The following SEC14L5 variants were observed in gnomAD, a reference collection of about 807,000 sequenced individuals.
SEC14L5 encodes SEC14 like lipid binding 5, also known as SEC14-like protein 5.
A neutral mutation model predicts 84.6 loss-of-function variants in SEC14L5; 96 were observed. The observed-to-expected ratio is 1.13, with a 90% confidence interval of 0.96 to 1.34. The LOEUF (loss-of-function observed/expected upper bound fraction) is 1.34, where lower values mean the gene tolerates loss of function less well. Ranked by LOEUF, SEC14L5 falls within the 40% of genes most tolerant of loss-of-function variation. The probability of loss-of-function intolerance (pLI) is 0.00; values close to 1 mark genes in which losing one functional copy is unlikely to be tolerated. For missense variants in SEC14L5, 1,224 were observed against 942.5 expected (o/e 1.30, Z -3.91); for synonymous variants, 546 against 383.4 (o/e 1.42, Z -4.95).
At chr16:5,007,515 C>T in intron 13 of SEC14L5, 29 bp downstream of exon 13, 1 of 1,608,354 alleles carries the variant, frequency 6.2e-7, no homozygotes. Context: ...GGAGGGCCCG[C>T]TGAGCTGGAG....
chr16:4,996,764 G>C (rs910509751), intron 7 of SEC14L5, 91 bp from the exon 8 acceptor site: 13 of 957,410 alleles, frequency 1.4e-5, no homozygotes, highest in East Asian at 5.1e-5. Context: ...TAGAGATGGG[G>C]TCTCACCATG....
At chr16:4,974,101 G>A (rs1431831854) in intron 2 of SEC14L5, among the ~76,000 whole-genome samples, 1 of 152,108 alleles carries the variant, frequency 6.6e-6, no homozygotes, top group Non-Finnish European at 1.5e-5. Context: ...GCGGAGATGG[G>A]GTTGACTTCT....
intron 2 of SEC14L5, among the ~76,000 whole-genome samples, chr16:4,973,269 C>A (rs13335768): frequency 3.3e-5 from 5 of 152,194 alleles, no homozygotes; most frequent in African/African-American, 1.2e-4. Flanking sequence ...TGGCTGCAGA[C>A]GCTGTTCTGA....
At chr16:4,991,472 A>G (rs138354688) in intron 5 of SEC14L5, among the ~76,000 whole-genome samples, 3,519 of 151,864 alleles carry the variant, frequency 0.023, 59 homozygotes, top group Middle Eastern at 0.082. Flanking sequence ...AGGCTGAGGC[A>G]GGAGGATCTC....
At chr16:4,962,673 T>G (rs1596610547) in intron 2 of SEC14L5, among the ~76,000 whole-genome samples, 6 of 106,776 alleles carry the variant, frequency 5.6e-5, no homozygotes, top group Admixed American at 1.3e-4. Context: ...GGGGGAAGAG[T>G]GAAACTCTGT....
At chr16:5,014,539 G>C (rs1284190729) in intron 15 of SEC14L5, among the ~76,000 whole-genome samples, 1 of 152,248 alleles carries the variant, frequency 6.6e-6, no homozygotes, top group Non-Finnish European at 1.5e-5. Flanking sequence ...TGGAATTTGA[G>C]TGCAAAGAGT....
rs144689761 is a variant in SEC14L5 at position 4,988,035 on chromosome 16, G to C, written c.214-114G>C. On this transcript the variant is annotated intron_variant, in intron 3 of 15. Coordinates refer to ENST00000251170, the MANE Select transcript of SEC14L5 (RefSeq NM_014692.2). ...CGGGCTGGGTGGGCGGTGGCGCAAG[G>C]GACCTGGGACTCAGGGCAGGGGGTG... 4,868 of 1,159,054 alleles carry C rather than the reference G, an allele frequency of 4.2e-3. 18 individuals are homozygous for C. The highest frequency in any genetic ancestry group is 9.4e-3 in the Middle Eastern group (34 of 3,598). The allele number at this position is 1,159,054 out of a possible 1,614,324, so 71.8% of individuals were successfully genotyped here. A position where few individuals can be genotyped will look rare whatever the true frequency, so the allele number is the denominator to read the frequency against.
intron 2 of SEC14L5, among the ~76,000 whole-genome samples, chr16:4,975,355 C>G (rs1470628653): frequency 6.6e-6 from 1 of 151,454 alleles, no homozygotes; most frequent in Middle Eastern, 3.2e-3. Flanking sequence ...CGCCTGTAGT[C>G]CCAGCTACTT....
At chr16:5,011,980 C>G (rs1466138484) in intron 15 of SEC14L5, among the ~76,000 whole-genome samples, 2 of 152,222 alleles carry the variant, frequency 1.3e-5, no homozygotes, top group African/African-American at 4.8e-5. Context: ...TGGATCTGCA[C>G]TGGTTTTCAT....
chr16:4,976,794 A>G (rs1185896062), intron 2 of SEC14L5, among the ~76,000 whole-genome samples: 2 of 152,204 alleles, frequency 1.3e-5, no homozygotes, highest in Non-Finnish European at 2.9e-5. Context: ...AAGGGCTGTA[A>G]CTGAATCCTT....
chr16:4,984,441 G>T (rs1280047111), intron 2 of SEC14L5, among the ~76,000 whole-genome samples: 2 of 152,178 alleles, frequency 1.3e-5, no homozygotes, highest in African/African-American at 4.8e-5. Flanking sequence ...CTCATCCGTT[G>T]ATGGACATTT....
Position 5,016,390 on chromosome 16 carries a change from C to T in SEC14L5, c.*1420C>T, listed in dbSNP as rs529454822. On this transcript the variant is annotated 3_prime_UTR_variant, in exon 16 of 16. Transcript: ENST00000251170. The stretch of plus-strand genomic sequence containing the variant: ...CTTTAGAATGGTTTAAAAATTGAGG[C>T]ATTTCGCATCGAAATCAGGATTTCT... The T allele has an allele frequency of 1.3e-5, 2 of 152,296 alleles. No homozygotes were observed. Among genetic ancestry groups the T allele is most frequent in the Admixed American group, 6.5e-5 (1 of 15,304 alleles). The allele number at this position is 152,296 out of a possible 1,614,324, so 9.4% of individuals were successfully genotyped here. A position where few individuals can be genotyped will look rare whatever the true frequency, so the allele number is the denominator to read the frequency against.
intron 2 of SEC14L5, among the ~76,000 whole-genome samples, chr16:4,969,098 A>C (rs1035612792): frequency 2.6e-5 from 4 of 152,256 alleles, no homozygotes; most frequent in African/African-American, 7.2e-5. Flanking sequence ...TTGCTAACAG[A>C]TTAAGGCAAG....
At chr16:4,966,377 GA>G (rs572274230) in intron 2 of SEC14L5, among the ~76,000 whole-genome samples, 1 of 146,592 alleles carries the variant, frequency 6.8e-6, no homozygotes, top group African/African-American at 2.5e-5. Context: ...GGGTTCAAGT[GA>G]TTCTCCTGCC....
intron 2 of SEC14L5, among the ~76,000 whole-genome samples, chr16:4,987,061 A>G (rs1955495696): frequency 6.6e-6 from 1 of 152,220 alleles, no homozygotes; most frequent in African/African-American, 2.4e-5. Flanking sequence ...ACAAGCTCGA[A>G]TAGACACGAA....
At chr16:4,999,547 G>A (rs1955652713) in intron 8 of SEC14L5, among the ~76,000 whole-genome samples, 1 of 152,014 alleles carries the variant, frequency 6.6e-6, no homozygotes, top group Non-Finnish European at 1.5e-5. Context: ...TTAAGCTGGG[G>A]AGGTTCAGGC....
At chr16:4,984,611 A>G (rs1279376121) in intron 2 of SEC14L5, among the ~76,000 whole-genome samples, 1 of 152,190 alleles carries the variant, frequency 6.6e-6, no homozygotes, top group Non-Finnish European at 1.5e-5. Flanking sequence ...GAACTGCCAC[A>G]CTGTTTTCCA....
intron 6 of SEC14L5, among the ~76,000 whole-genome samples, chr16:4,992,267 T>G (rs1955561329): frequency 6.6e-6 from 1 of 152,208 alleles, no homozygotes; most frequent in Non-Finnish European, 1.5e-5. Flanking sequence ...CTTTTCTTTT[T>G]TGAGACGGAG....
At chr16:4,996,098 G>A (rs1434709262) in intron 6 of SEC14L5, among the ~76,000 whole-genome samples, 1 of 152,172 alleles carries the variant, frequency 6.6e-6, no homozygotes, top group Non-Finnish European at 1.5e-5. Flanking sequence ...CAGGGTCAAA[G>A]AGGAGAAATC....
Sources: gnomAD v4.1 joint callset for allele counts (sites outside exome capture counted in the v4.1 genomes callset) on GRCh38, gnomAD v4.1.1 for gene constraint, MANE v1.5 for transcripts, NCBI Gene and HGNC (gene_info 2026-07-23, HGNC 2026-07-21) for gene names.